GNG12: variants seen among roughly 807,000 people sequenced by gnomAD.
GNG12 encodes the protein guanine nucleotide-binding protein G(I)/G(S)/G(O) subunit gamma-12.
For synonymous variants in GNG12, 28 were observed against 29.7 expected (o/e 0.94, Z 0.19); for missense variants, 69 against 83.8 (o/e 0.82, Z 0.69).
chr1:67,721,744 T>C (rs1176056804), intron 2 of GNG12, among the ~76,000 whole-genome samples: 1 of 152,142 alleles, frequency 6.6e-6, no homozygotes, highest in Non-Finnish European at 1.5e-5. Context: ...ATATTCCAAA[T>C]TCCCTGGTTG....
intron 2 of GNG12, among the ~76,000 whole-genome samples, chr1:67,736,014 G>C (rs745546980): frequency 2.0e-5 from 3 of 151,834 alleles, no homozygotes; most frequent in Non-Finnish European, 4.4e-5. Flanking sequence ...TCTGCACTGG[G>C]GAAAGGAGGA....
intron 1 of GNG12, among the ~76,000 whole-genome samples, chr1:67,813,133 C>T (rs747646607): frequency 2.9e-4 from 44 of 151,682 alleles, no homozygotes; most frequent in Admixed American, 1.4e-3. Flanking sequence ...CCAAACTGGG[C>T]CCTTTATCAA....
chr1:67,831,036 G>T (rs1271230206), intron 1 of GNG12, among the ~76,000 whole-genome samples: 1 of 152,060 alleles, frequency 6.6e-6, no homozygotes, highest in Non-Finnish European at 1.5e-5. Context: ...GACTGAAAAA[G>T]GTTAAATAGC....
intron 2 of GNG12, among the ~76,000 whole-genome samples, chr1:67,716,830 A>G (rs1285150777): frequency 6.6e-6 from 1 of 152,216 alleles, no homozygotes; most frequent in Non-Finnish European, 1.5e-5. Flanking sequence ...GCGAAGGAGA[A>G]TCAATTGTTC....
intron 2 of GNG12, among the ~76,000 whole-genome samples, chr1:67,752,659 A>G (rs896238784): frequency 6.6e-6 from 1 of 152,224 alleles, no homozygotes; most frequent in Non-Finnish European, 1.5e-5. Flanking sequence ...CCTCGCCCCA[A>G]TCACATAAGT....
intron 2 of GNG12, among the ~76,000 whole-genome samples, chr1:67,751,318 T>C (rs1646537825): frequency 6.6e-6 from 1 of 152,230 alleles, no homozygotes; most frequent in Non-Finnish European, 1.5e-5. Flanking sequence ...GCTATAGTTG[T>C]TCAACAGAGA....
In GNG12 at chr1:67,803,873, CAACAAAACAA is replaced by C. The variant is rs373252668; in HGVS notation, c.-76-26376_-76-26367del. 5.6e-3 allele frequency among the ~76,000 whole-genome samples: 858 copies of C among 152,052 alleles called. 6 individuals are homozygous for C. The highest frequency in any genetic ancestry group is 0.02 in the African/African-American group (819 of 41,478). On this transcript the variant is annotated intron_variant, in intron 1 of 3. Coordinates refer to ENST00000370982, the MANE Select transcript of GNG12 (RefSeq NM_018841.6). ...TGTTTCTGCTACACAGCAAGTGTACCAACAAAACAAAACAAAACAAAACAAGCCCACGTTA... is the reference window on the plus strand; with the variant it reads ...TGTTTCTGCTACACAGCAAGTGTACCAACAAAACAAAACAAGCCCACGTTA...
chr1:67,729,152 G>A (rs953882681), intron 2 of GNG12, among the ~76,000 whole-genome samples: 1 of 152,094 alleles, frequency 6.6e-6, no homozygotes, highest in African/African-American at 2.4e-5. Context: ...TGCTCTGAGT[G>A]CTCTCAACTC....
intron 1 of GNG12, among the ~76,000 whole-genome samples, chr1:67,805,667 T>G (rs1001763491): frequency 2.0e-5 from 3 of 151,964 alleles, no homozygotes; most frequent in Non-Finnish European, 4.4e-5. Context: ...ATGGCATGTC[T>G]ACAAAAGGTG....
chr1:67,713,959 ATG>A (rs1178902808), intron 2 of GNG12, among the ~76,000 whole-genome samples: 3 of 152,248 alleles, frequency 2.0e-5, no homozygotes, highest in African/African-American at 7.2e-5. Flanking sequence ...CAGCTATCTA[ATG>A]TGGCCTTACT....
intron 2 of GNG12, among the ~76,000 whole-genome samples, chr1:67,733,409 C>T (rs540451319): frequency 5.3e-5 from 8 of 152,120 alleles, no homozygotes; most frequent in Admixed American, 5.2e-4. Context: ...CCTCTTCTGG[C>T]CTTTGCAAAT....
chr1:67,753,153 T>C (rs1042129881), intron 2 of GNG12, among the ~76,000 whole-genome samples: 9 of 152,208 alleles, frequency 5.9e-5, no homozygotes, highest in African/African-American at 1.9e-4. Context: ...AGTGGGTGTT[T>C]GGTAATTATG....
At chr1:67,770,990 A>G (rs1245656733) in intron 2 of GNG12, among the ~76,000 whole-genome samples, 3 of 152,068 alleles carry the variant, frequency 2.0e-5, no homozygotes, top group African/African-American at 4.8e-5. Context: ...GTGCTGAGAG[A>G]GAGTGAGTGA....
In GNG12 at chr1:67,702,642, T is replaced by C. The variant is rs1002977457; in HGVS notation, c.*2809A>G. ...AAAACTAGCTATGAGCCATCACTTG[T>C]GAACCATCTGGTATATAAAATATTT... On this transcript the variant is annotated 3_prime_UTR_variant, in exon 4 of 4. Transcript: ENST00000370982. 6.6e-6 allele frequency: 1 copy of C among 152,130 alleles called. No individual in the cohort carries two copies. Among genetic ancestry groups the C allele is most frequent in the Non-Finnish European group, 1.5e-5 (1 of 68,030 alleles). The allele number at this position is 152,130 out of a possible 1,614,324, so 9.4% of individuals were successfully genotyped here.
Position 67,722,188 on chromosome 1 carries a change from A to G in GNG12, c.-26-14476T>C, listed in dbSNP as rs569367456. 1.9e-3 allele frequency among the ~76,000 whole-genome samples: 292 copies of G among 152,300 alleles called. 2 individuals are homozygous for G. The highest frequency in any genetic ancestry group is 6.9e-3 in the African/African-American group (286 of 41,568). ...GGGTTGAAAATGAGGCAACTGGCAC[A>G]TGGTGCTGCATCCATTTTAGGAGAA... On this transcript the variant is annotated intron_variant, in intron 2 of 3. Transcript: ENST00000370982.
intron 2 of GNG12, among the ~76,000 whole-genome samples, chr1:67,775,774 G>A (rs1646701361): frequency 1.3e-5 from 2 of 152,208 alleles, no homozygotes; most frequent in South Asian, 4.1e-4. Flanking sequence ...GGAAGTCAGA[G>A]CAGGCAAGAT....
chr1:67,826,049 T>C (rs938607910), intron 1 of GNG12, among the ~76,000 whole-genome samples: 2 of 152,238 alleles, frequency 1.3e-5, no homozygotes, highest in African/African-American at 2.4e-5. Flanking sequence ...ACAGAAAACA[T>C]GGTTTTATTC....
intron 2 of GNG12, among the ~76,000 whole-genome samples, chr1:67,750,043 C>T (rs2100724325): frequency 6.6e-6 from 1 of 152,306 alleles, no homozygotes; most frequent in Admixed American, 6.5e-5. Context: ...ACTCTGGGTA[C>T]AGAAGGTACC....
intron 1 of GNG12, among the ~76,000 whole-genome samples, chr1:67,801,071 G>A (rs1276313): frequency 0.26 from 39,133 of 151,954 alleles, 5,639 homozygotes; most frequent in Admixed American, 0.34. Context: ...AAAGCAAAGA[G>A]CCAGAAATGG....
Sources: allele counts gnomAD v4.1 joint callset (sites outside exome capture counted in the v4.1 genomes callset), GRCh38; gene constraint gnomAD v4.1.1; transcripts MANE v1.5; gene names NCBI Gene and HGNC (gene_info 2026-07-23, HGNC 2026-07-21).